CACNA1D: variants seen among roughly 807,000 people sequenced by gnomAD.
CACNA1D encodes voltage-dependent L-type calcium channel subunit alpha-1D.
A neutral mutation model predicts 257.1 loss-of-function variants in CACNA1D; 55 were observed. The ratio of observed to expected loss-of-function variants is 0.21; its 90% CI spans 0.17 to 0.27. The LOEUF is 0.27. CACNA1D is among the 10% of genes least tolerant of loss of function. CACNA1D has a pLI of 1.00. For missense variants in CACNA1D, 1,876 were observed against 2,784.0 expected (o/e 0.67, Z 7.34); for synonymous variants, 980 against 1,014.9 (o/e 0.97, Z 0.65).
At chr3:53,777,414 T>C (rs1490060790) in intron 37 of CACNA1D, among the ~76,000 whole-genome samples, 2 of 152,126 alleles carry the variant, frequency 1.3e-5, no homozygotes. Context: ...GAATTTCAGG[T>C]TCCCATGTTA....
chr3:53,811,234 C>T lies in CACNA1D; in HGVS notation c.6314C>T (p.Thr2105Ile). Residue 2105 changes from threonine to isoleucine, a missense_variant, in exon 48 of 48, where the codon ACC (threonine) becomes ATC (isoleucine). Coordinates refer to ENST00000350061, the MANE Select transcript of CACNA1D (RefSeq NM_001128840.3). The surrounding 1 kb of genome is among the most constrained non-coding windows in gnomAD (Gnocchi z 4.2). The part of the protein sequence containing the change: ...TIDEMESAAS[T>I]LLNGNVRPRA... Reference sequence around the variant, plus strand: ...GACGAGATGGAGAGTGCAGCCAGCACCCTGCTTAATGGGAACGTGCGTCCC... The same window carrying T: ...GACGAGATGGAGAGTGCAGCCAGCATCCTGCTTAATGGGAACGTGCGTCCC... The T allele has an allele frequency of 6.2e-7, 1 of 1,614,074 alleles. No individual in the cohort carries two copies. Among genetic ancestry groups the T allele is most frequent in the Non-Finnish European group, 8.5e-7 (1 of 1,180,030 alleles).
chr3:53,797,597 C>A (rs1356013552), intron 40 of CACNA1D, among the ~76,000 whole-genome samples: 1 of 152,172 alleles, frequency 6.6e-6, no homozygotes, highest in Non-Finnish European at 1.5e-5. Context: ...ATTCTCTGTC[C>A]CATGTCTGTT....
At chr3:53,786,401 TA>T (rs2095453141) in intron 39 of CACNA1D, 1 of 194,516 alleles carries the variant, frequency 5.1e-6, no homozygotes, top group Non-Finnish European at 1.1e-5. Context: ...TTTGGACGGT[TA>T]ATTGCCCTTG....
At chr3:53,539,312 G>C (rs1575798288) in intron 3 of CACNA1D, among the ~76,000 whole-genome samples, 1 of 152,048 alleles carries the variant, frequency 6.6e-6, no homozygotes, top group Admixed American at 6.5e-5. Context: ...TTTTCACCAT[G>C]TTAGCCAGGC....
chr3:53,731,975 A>G, intron 17 of CACNA1D, 41 bp from the exon 18 acceptor site: 4 of 1,313,622 alleles, frequency 3.0e-6, no homozygotes, highest in Non-Finnish European at 4.4e-6. Context: ...AGTGATTTTA[A>G]GTCAGTCTCC....
At chr3:53,681,166 A>AT (rs1423372193) in intron 8 of CACNA1D, among the ~76,000 whole-genome samples, 2 of 152,066 alleles carry the variant, frequency 1.3e-5, no homozygotes, top group Non-Finnish European at 2.9e-5. Flanking sequence ...TATTAAAGAG[A>AT]TTTTCTCTGG....
At chr3:53,651,361 A>ATTTTTTTTTTTTT (rs1576235107) in intron 4 of CACNA1D, among the ~76,000 whole-genome samples, 6 of 57,144 alleles carry the variant, frequency 1.0e-4, no homozygotes, top group African/African-American at 4.7e-4. Flanking sequence ...AAAGCTATTA[A>ATTTTTTTTTTTTT]TTTTCTTTTT....
chr3:53,745,142 G>A (rs542942908), intron 23 of CACNA1D, among the ~76,000 whole-genome samples: 2 of 151,854 alleles, frequency 1.3e-5, no homozygotes, highest in African/African-American at 4.8e-5. Flanking sequence ...CATGTAGACT[G>A]TATAAAAGGC....
At position 53,733,985 on chromosome 3, in the gene CACNA1D, T is replaced by C. The variant is rs190313942; in HGVS notation, c.2621+1023T>C. Among the ~76,000 whole-genome samples, 535 of 133,024 alleles carry C rather than the reference T, an allele frequency of 4.0e-3. 5 individuals are homozygous for C. Among genetic ancestry groups the C allele is most frequent in the African/African-American group, 0.014 (506 of 34,906 alleles). 87.3% of individuals were successfully genotyped at this position (133,024 alleles called of 152,430 possible). ...GTATGTATGTATATGTATATATATATACATATACATATACATATATATATG... is the reference window on the plus strand; with the variant it reads ...GTATGTATGTATATGTATATATATACACATATACATATACATATATATATG... On this transcript the variant is annotated intron_variant, in intron 19 of 47. Coordinates refer to ENST00000350061, the MANE Select transcript of CACNA1D (RefSeq NM_001128840.3).
chr3:53,500,071 C>T (rs143744735), intron 2 of CACNA1D, among the ~76,000 whole-genome samples: 3 of 151,688 alleles, frequency 2.0e-5, no homozygotes, highest in South Asian at 2.1e-4. Flanking sequence ...GAAAGCTCTT[C>T]GAAGATGAAG....
At chr3:53,810,411 C>T (rs1319714832) in intron 47 of CACNA1D, 113 bp downstream of exon 47, 2 of 1,013,536 alleles carry the variant, frequency 2.0e-6, no homozygotes, top group East Asian at 2.4e-5. Context: ...AGCTAGGCTG[C>T]CTCAATCAGA....
At chr3:53,600,075 G>C (rs2107865683) in intron 3 of CACNA1D, among the ~76,000 whole-genome samples, 1 of 152,362 alleles carries the variant, frequency 6.6e-6, no homozygotes, top group South Asian at 2.1e-4. Flanking sequence ...GGGCCAGCTT[G>C]GTAAAACCAG....
chr3:53,613,052 A>G (rs891927094), intron 3 of CACNA1D, among the ~76,000 whole-genome samples: 4 of 152,186 alleles, frequency 2.6e-5, no homozygotes, highest in Admixed American at 6.5e-5. Context: ...TTGAGTTTTT[A>G]AAAGTGAGAC....
chr3:53,624,888 A>G (rs2093739118), intron 3 of CACNA1D, among the ~76,000 whole-genome samples: 1 of 152,226 alleles, frequency 6.6e-6, no homozygotes, highest in Non-Finnish European at 1.5e-5. Flanking sequence ...AAGAAATCCA[A>G]AGCATTCCAG....
chr3:53,590,959 G>A (rs1439862786), intron 3 of CACNA1D, among the ~76,000 whole-genome samples: 1 of 152,180 alleles, frequency 6.6e-6, no homozygotes, highest in Non-Finnish European at 1.5e-5. Context: ...TGGGCTTTCA[G>A]TAAACATGTT....
At chr3:53,776,202 A>G (rs906163252) in intron 35 of CACNA1D, among the ~76,000 whole-genome samples, 157 bp downstream of exon 35, 4 of 152,208 alleles carry the variant, frequency 2.6e-5, no homozygotes, top group Non-Finnish European at 5.9e-5. Flanking sequence ...TTGTTTAACC[A>G]GGCGTGTGTC....
intron 3 of CACNA1D, among the ~76,000 whole-genome samples, chr3:53,504,057 T>C (rs973236689): frequency 7.4e-6 from 1 of 135,640 alleles, no homozygotes; most frequent in African/African-American, 2.6e-5. Flanking sequence ...GGTTTTTTGT[T>C]TTTTTTTTTT....
chr3:53,705,064 C>T (rs540362714), intron 9 of CACNA1D, among the ~76,000 whole-genome samples: 1 of 152,206 alleles, frequency 6.6e-6, no homozygotes, highest in Non-Finnish European at 1.5e-5. Flanking sequence ...TGACAGAAAT[C>T]AATGACTCTG....
At chr3:53,767,393 C>T (rs1047768756) in intron 30 of CACNA1D, among the ~76,000 whole-genome samples, 1 of 152,012 alleles carries the variant, frequency 6.6e-6, no homozygotes. Context: ...GGTGAAACCT[C>T]ATCTCTACTG....
Sources: allele counts gnomAD v4.1 joint callset (sites outside exome capture counted in the v4.1 genomes callset), GRCh38; gene constraint gnomAD v4.1.1; non-coding constraint Gnocchi (gnomAD v3.1); transcripts MANE v1.5; gene names NCBI Gene and HGNC (gene_info 2026-07-23, HGNC 2026-07-21).